Variants in MMP16 observed in about 807,000 individuals in gnomAD.
MMP16 encodes the protein matrix metalloproteinase-16.
In MMP16, 12 loss-of-function variants were observed where a neutral mutation model predicts 67.8. That is an observed-to-expected ratio of 0.18 (90% CI 0.11 to 0.29). The LOEUF (loss-of-function observed/expected upper bound fraction) is 0.29, where lower values mean the gene tolerates loss of function less well. Ranked by LOEUF, MMP16 falls within the 10% of genes least tolerant of loss-of-function variation. MMP16 has a pLI of 1.00. For synonymous variants in MMP16, 249 were observed against 255.9 expected (o/e 0.97, Z 0.26); for missense variants, 475 against 765.7 (o/e 0.62, Z 4.48).
intron 1 of MMP16, among the ~76,000 whole-genome samples, chr8:88,245,119 A>G: frequency 6.6e-6 from 1 of 152,098 alleles, no homozygotes; most frequent in South Asian, 2.1e-4. Flanking sequence ...TTCTTCTCTC[A>G]ACCCTGAATT....
intron 3 of MMP16, 31 bp downstream of exon 3, chr8:88,186,445 A>G (rs1586195415): frequency 1.9e-6 from 3 of 1,611,764 alleles, no homozygotes; most frequent in Non-Finnish European, 2.5e-6. Flanking sequence ...AAATATGGGG[A>G]AAAGGGGAGA....
At chr8:88,161,276 G>A (rs1029079150) in intron 4 of MMP16, among the ~76,000 whole-genome samples, 4 of 152,144 alleles carry the variant, frequency 2.6e-5, no homozygotes, top group African/African-American at 9.7e-5. Flanking sequence ...TTAGTCTTGG[G>A]ACGGTGTATG....
intron 9 of MMP16, among the ~76,000 whole-genome samples, chr8:88,043,430 T>C (rs371646698): frequency 3.7e-4 from 56 of 152,208 alleles, no homozygotes; most frequent in African/African-American, 1.3e-3. Context: ...ATTACAGGCA[T>C]ATGCCACCAT....
intron 1 of MMP16, among the ~76,000 whole-genome samples, chr8:88,238,780 TATG>T (rs1809987190): frequency 6.6e-6 from 1 of 152,062 alleles, no homozygotes; most frequent in Non-Finnish European, 1.5e-5. Flanking sequence ...TGTAAAAGTT[TATG>T]ATATTTAAGT....
intron 1 of MMP16, among the ~76,000 whole-genome samples, chr8:88,321,987 T>C (rs888016887): frequency 6.6e-6 from 1 of 152,200 alleles, no homozygotes; most frequent in Admixed American, 6.5e-5. Flanking sequence ...TTTTTTACTA[T>C]TGTAGAAAAC....
At chr8:88,055,270 C>G (rs961538198) in intron 8 of MMP16, among the ~76,000 whole-genome samples, 1 of 152,064 alleles carries the variant, frequency 6.6e-6, no homozygotes, top group Non-Finnish European at 1.5e-5. Context: ...TACAGTGACA[C>G]AATCTCAGCT....
At chr8:88,186,231 AATATTGAC>A (rs1809070074) in intron 3 of MMP16, 1 of 355,100 alleles carries the variant, frequency 2.8e-6, no homozygotes, top group Admixed American at 4.4e-5. Flanking sequence ...AGTCCCTCAT[AATATTGAC>A]ATTTATTCAA....
At chr8:88,205,034 T>C (rs113967850) in intron 1 of MMP16, among the ~76,000 whole-genome samples, 65 of 152,306 alleles carry the variant, frequency 4.3e-4, no homozygotes, top group African/African-American at 1.5e-3. Flanking sequence ...CCAGTTCCAC[T>C]CCCAGCAGGT....
At chr8:88,195,517 T>G (rs998324240) in intron 2 of MMP16, among the ~76,000 whole-genome samples, 7 of 152,078 alleles carry the variant, frequency 4.6e-5, no homozygotes, top group Admixed American at 3.3e-4. Flanking sequence ...TGATGAGGAG[T>G]ACAATTTAAA....
In MMP16 at chr8:88,041,339, T is replaced by G; in HGVS notation, c.*122A>C. On this transcript the variant is annotated 3_prime_UTR_variant, in exon 10 of 10. Transcript: ENST00000286614. This position sits in a 1 kb window ranked among gnomAD's most constrained non-coding sequence, Gnocchi z 6.0. ...CCAGCAACCCTCTGGGTTTGAAAGGTCAGCCCCGAATCAGGCTGCCACAAG... is the reference window on the plus strand; with the variant it reads ...CCAGCAACCCTCTGGGTTTGAAAGGGCAGCCCCGAATCAGGCTGCCACAAG... 1.0e-6 allele frequency: 1 copy of G among 981,868 alleles called. No homozygotes were observed. Among genetic ancestry groups the G allele is most frequent in the South Asian group, 1.6e-5 (1 of 62,854 alleles). 60.8% of individuals were successfully genotyped at this position (981,868 alleles called of 1,614,324 possible).
chr8:88,111,977 C>T (rs888934211), intron 6 of MMP16, among the ~76,000 whole-genome samples: 7 of 151,632 alleles, frequency 4.6e-5, no homozygotes, highest in African/African-American at 1.7e-4. Flanking sequence ...TTTGGCTTGA[C>T]TTTTTTTGGG....
At chr8:88,086,730 A>G (rs916708036) in intron 6 of MMP16, among the ~76,000 whole-genome samples, 1 of 151,896 alleles carries the variant, frequency 6.6e-6, no homozygotes, top group African/African-American at 2.4e-5. Flanking sequence ...TAGACAATGT[A>G]TTCAATTTAG....
chr8:88,108,787 T>C (rs1809285241), intron 6 of MMP16, among the ~76,000 whole-genome samples: 1 of 151,440 alleles, frequency 6.6e-6, no homozygotes, highest in Non-Finnish European at 1.5e-5. Flanking sequence ...TGTAGAATAA[T>C]GTGGGAGAGT....
intron 1 of MMP16, among the ~76,000 whole-genome samples, chr8:88,251,023 C>T (rs1229641519): frequency 5.3e-5 from 8 of 149,644 alleles, no homozygotes; most frequent in Admixed American, 2.7e-4. Context: ...TGAGAATATG[C>T]GGTGTTTGGT....
intron 6 of MMP16, among the ~76,000 whole-genome samples, chr8:88,097,766 T>G (rs187928012): frequency 3.7e-4 from 56 of 151,928 alleles, no homozygotes; most frequent in African/African-American, 1.3e-3. Context: ...GTTAAAGAAT[T>G]ACAATTCAGT....
At chr8:88,313,134 T>A (rs1811322652) in intron 1 of MMP16, among the ~76,000 whole-genome samples, 1 of 152,228 alleles carries the variant, frequency 6.6e-6, no homozygotes, top group South Asian at 2.1e-4. Flanking sequence ...TTCCTTTTTA[T>A]TGCTAAGTAG....
chr8:88,054,155 A>ATGAAATGGG (rs1197268711), intron 8 of MMP16, among the ~76,000 whole-genome samples: 1 of 152,190 alleles, frequency 6.6e-6, no homozygotes. Flanking sequence ...CTATCTGATA[A>ATGAAATGGG]TGAAATGGGC....
At chr8:88,259,569 T>C (rs572192114) in intron 1 of MMP16, among the ~76,000 whole-genome samples, 1 of 151,920 alleles carries the variant, frequency 6.6e-6, no homozygotes. Context: ...ACCTTATCCT[T>C]ATGTTTAATA....
intron 1 of MMP16, among the ~76,000 whole-genome samples, chr8:88,261,709 A>C (rs1810390773): frequency 6.6e-6 from 1 of 152,014 alleles, no homozygotes; most frequent in South Asian, 2.1e-4. Flanking sequence ...ATACATATAC[A>C]TATGTACACA....
Sources: allele counts gnomAD v4.1 joint callset (sites outside exome capture counted in the v4.1 genomes callset), GRCh38; gene constraint gnomAD v4.1.1; non-coding constraint Gnocchi (gnomAD v3.1); transcripts MANE v1.5; gene names NCBI Gene and HGNC (gene_info 2026-07-23, HGNC 2026-07-21).